The following SYN3 variants were observed in gnomAD, a reference collection of about 807,000 sequenced individuals.
The protein encoded by SYN3 is synapsin III, also known as synapsin-3.
In SYN3, 35 loss-of-function variants were observed where a neutral mutation model predicts 65.8. The observed-to-expected ratio is 0.53, with a 90% CI of 0.41 to 0.70. The LOEUF is 0.70. SYN3 is among the 30% of genes least tolerant of loss of function. The pLI is 0.00. For synonymous variants in SYN3, 270 were observed against 292.9 expected, an observed-to-expected ratio of 0.92 and a Z score of 0.80; for missense variants, 680 against 749.0, an observed-to-expected ratio of 0.91 and a Z score of 1.08.
At chr22:32,770,250 GCTCT>G (rs1205412721) in intron 6 of SYN3, among the ~76,000 whole-genome samples, 5 of 152,124 alleles carry the variant, frequency 3.3e-5, no homozygotes, top group African/African-American at 7.2e-5. Context: ...ACCTCCATAT[GCTCT>G]CTCTATTTCT....
At chr22:32,527,137 A>C (rs745359579) in intron 12 of SYN3, among the ~76,000 whole-genome samples, 34 of 152,200 alleles carry the variant, frequency 2.2e-4, no homozygotes, top group Non-Finnish European at 4.3e-4. Flanking sequence ...TTCAATGGCC[A>C]AGGTTTTATA....
At chr22:32,960,620 A>G (rs1424253377) in intron 3 of SYN3, among the ~76,000 whole-genome samples, 2 of 152,044 alleles carry the variant, frequency 1.3e-5, no homozygotes, top group Non-Finnish European at 2.9e-5. Flanking sequence ...ACTAAAACAA[A>G]TCCTGGTTAT....
intron 7 of SYN3, among the ~76,000 whole-genome samples, chr22:32,592,581 T>A (rs912637003): frequency 3.9e-4 from 60 of 152,222 alleles, no homozygotes; most frequent in African/African-American, 1.3e-3. Flanking sequence ...CCCAATCACA[T>A]GCAGTTCCCC....
chr22:33,027,687 GAGAA>G (rs555396122), intron 1 of SYN3, among the ~76,000 whole-genome samples: 128 of 151,868 alleles, frequency 8.4e-4, no homozygotes, highest in Non-Finnish European at 1.2e-3. Flanking sequence ...AAGAAAGAAA[GAGAA>G]AGAAAGAAAG....
rs563974509 is a variant in SYN3 at position 32,559,002 on chromosome 22, A to G, written c.775-17289T>C. Among the ~76,000 whole-genome samples the G allele has an allele frequency of 2.6e-5, 4 of 152,392 alleles. No homozygotes were observed. In the East Asian group the frequency reaches 7.7e-4, roughly 29 times the overall value. On this transcript the variant is annotated intron_variant, in intron 7 of 13. Transcript: ENST00000358763. ...GTAATAACAAAAATGATGGACAGTG[A>G]CAGCTACCTCTAACGAGTGCTTTCT...
Position 32,536,113 on chromosome 22 carries a change from A to G in SYN3, c.992+1923T>C, listed in dbSNP as rs1325978419. ...CAGGGATAGGTGGCCTGCTGGGGAC[A>G]TCTGTGAGTGGCTCAGGAGGCACTG... On this transcript the variant is annotated intron_variant, in intron 9 of 13. Transcript: ENST00000358763. Among the ~76,000 whole-genome samples the G allele has an allele frequency of 2.0e-5, 3 of 152,196 alleles. No homozygotes were observed. The East Asian group carries it at 5.8e-4, about 29-fold the overall frequency.
At chr22:32,664,937 C>T (rs1012754799) in intron 6 of SYN3, among the ~76,000 whole-genome samples, 1 of 151,062 alleles carries the variant, frequency 6.6e-6, no homozygotes, top group Non-Finnish European at 1.5e-5. Context: ...TATCCCTCAA[C>T]CCCTCCCACC....
At chr22:32,827,701 A>G (rs2047453491) in intron 6 of SYN3, among the ~76,000 whole-genome samples, 1 of 152,194 alleles carries the variant, frequency 6.6e-6, no homozygotes, top group South Asian at 2.1e-4. Flanking sequence ...AAAGCCCTCC[A>G]GTGGCTTCTT....
chr22:32,791,025 G>A (rs369778763), intron 6 of SYN3, among the ~76,000 whole-genome samples: 2 of 152,186 alleles, frequency 1.3e-5, no homozygotes, highest in Non-Finnish European at 2.9e-5. Context: ...AGGATGGGAC[G>A]CTGAACTTGG....
chr22:32,886,635 A>G (rs779287154), intron 4 of SYN3, among the ~76,000 whole-genome samples: 6 of 152,226 alleles, frequency 3.9e-5, no homozygotes. Flanking sequence ...CAAATAAAAG[A>G]TATACTTTCA....
intron 6 of SYN3, among the ~76,000 whole-genome samples, chr22:32,694,734 A>G (rs2147172451): frequency 6.6e-6 from 1 of 152,298 alleles, no homozygotes; most frequent in South Asian, 2.1e-4. Flanking sequence ...CCTAGAACCA[A>G]TCCTCTATGG....
At chr22:32,775,450 C>T (rs1356625418) in intron 6 of SYN3, among the ~76,000 whole-genome samples, 1 of 152,172 alleles carries the variant, frequency 6.6e-6, no homozygotes, top group Non-Finnish European at 1.5e-5. Flanking sequence ...TCCCTGTTCC[C>T]ACTTCCCATA....
intron 6 of SYN3, among the ~76,000 whole-genome samples, chr22:32,817,145 G>A (rs2047108022): frequency 6.6e-6 from 1 of 151,814 alleles, no homozygotes; most frequent in Admixed American, 6.6e-5. Context: ...TTGAGTCCAC[G>A]AGGTTGAGGC....
intron 6 of SYN3, among the ~76,000 whole-genome samples, chr22:32,666,974 C>G (rs1243653931): frequency 1.3e-5 from 2 of 152,212 alleles, no homozygotes; most frequent in Non-Finnish European, 2.9e-5. Flanking sequence ...TCTCTGAATA[C>G]CATGCCATCC....
chr22:32,887,033 G>C (rs555469932), intron 4 of SYN3, among the ~76,000 whole-genome samples: 2 of 122,352 alleles, frequency 1.6e-5, no homozygotes, highest in Admixed American at 2.1e-4. Flanking sequence ...CTTGCTCCCA[G>C]ATGTATTCTT....
intron 6 of SYN3, among the ~76,000 whole-genome samples, chr22:32,638,144 A>T (rs1022021842): frequency 3.9e-5 from 6 of 152,026 alleles, no homozygotes; most frequent in Admixed American, 1.3e-4. Context: ...ATAGGACATG[A>T]TTTTGTTCTT....
chr22:32,716,529 T>C (rs1310409093), intron 6 of SYN3, among the ~76,000 whole-genome samples: 1 of 151,900 alleles, frequency 6.6e-6, no homozygotes, highest in Non-Finnish European at 1.5e-5. Context: ...AACATAGCTG[T>C]TATTTTTGTT....
At chr22:32,990,196 G>C (rs2145708901) in intron 2 of SYN3, among the ~76,000 whole-genome samples, 1 of 152,310 alleles carries the variant, frequency 6.6e-6, no homozygotes, top group South Asian at 2.1e-4. Context: ...AGTGGAGCCT[G>C]TCAAGGTGAA....
intron 6 of SYN3, chr22:32,802,083 C>A: frequency 6.3e-7 from 1 of 1,577,744 alleles, no homozygotes; most frequent in Non-Finnish European, 8.6e-7. Context: ...CACATGCTCG[C>A]CCAGCCACCC....
Sources: gnomAD v4.1 joint callset for allele counts (sites outside exome capture counted in the v4.1 genomes callset) on GRCh38, gnomAD v4.1.1 for gene constraint, MANE v1.5 for transcripts, NCBI Gene and HGNC (gene_info 2026-07-23, HGNC 2026-07-21) for gene names.